The following EVC variants were observed in gnomAD, a reference collection of about 807,000 sequenced individuals.
The protein encoded by EVC is evC complex member EVC.
Under a neutral mutation model 118.9 loss-of-function variants are expected in EVC, and 116 were observed. The observed-to-expected ratio is 0.98, with a 90% confidence interval of 0.84 to 1.14. The LOEUF is 1.14. Among genes scored for constraint, EVC ranks in the 50% most tolerant of loss-of-function variants. The pLI is 0.00. For synonymous variants in EVC, 619 were observed against 534.7 expected (o/e 1.16, Z -2.18); for missense variants, 1,401 against 1,246.4 (o/e 1.12, Z -1.87).
intron 1 of EVC, among the ~76,000 whole-genome samples, chr4:5,711,996 C>G (rs1032291603): frequency 3.9e-5 from 6 of 152,166 alleles, no homozygotes; most frequent in Admixed American, 6.5e-5. Flanking sequence ...CATTGGCATT[C>G]ATTTTTTCAT....
chr4:5,754,490 GA>G lies in EVC; in HGVS notation c.1464+561del, dbSNP rs1199892381. On this transcript the variant is annotated intron_variant, in intron 10 of 20. Transcript: ENST00000264956. This position sits in a 1 kb window ranked among gnomAD's most constrained non-coding sequence, Gnocchi z 5.8. ...AAAAAGCAAGATGTCACCCTCCAAG[GA>G]AAAGGAGTCAGCTGGCCCCAGTGCA... Among the ~76,000 whole-genome samples, 13 of 152,280 alleles carry G rather than the reference GA, an allele frequency of 8.5e-5. No homozygotes were observed. The highest frequency in any genetic ancestry group is 3.4e-3 in the Middle Eastern group (1 of 294).
In EVC at chr4:5,752,580, G is replaced by T; in HGVS notation, c.1099-256G>T. On this transcript the variant is annotated intron_variant, in intron 8 of 20. Transcript: ENST00000264956. ...CTAGGAGGGTGGCCCTCTGGGGAGC[G>T]CTACTGGTGACTAAGTGCCTACATG... 7.0e-6 allele frequency: 4 copies of T among 573,280 alleles called. No individual in the cohort carries two copies. The South Asian group carries it at 8.0e-5, about 11-fold the overall frequency. The allele number at this position is 573,280 out of a possible 1,614,324, so 35.5% of individuals were successfully genotyped here. A position where few individuals can be genotyped will look rare whatever the true frequency, so the allele number is the denominator to read the frequency against.
intron 12 of EVC, among the ~76,000 whole-genome samples, chr4:5,785,227 C>T (rs1000080385): frequency 2.0e-5 from 3 of 152,236 alleles, no homozygotes; most frequent in East Asian, 1.9e-4. Context: ...CAGCCTTTCT[C>T]TGCCCTAGAG....
At position 5,783,468 on chromosome 4, in the gene EVC, T is replaced by G. The variant is rs1051211523; in HGVS notation, c.1564-84T>G. 2.3e-6 allele frequency: 3 copies of G among 1,318,878 alleles called. No individual in the cohort carries two copies. In the African/African-American group the frequency reaches 4.3e-5, roughly 19 times the overall value. The allele number at this position is 1,318,878 out of a possible 1,614,324, so 81.7% of individuals were successfully genotyped here. A position where few individuals can be genotyped will look rare whatever the true frequency, so the allele number is the denominator to read the frequency against. Reference sequence around the variant, plus strand: ...ATCTCCTTGTGTCTTGTGGGAGGCTTGTGGAGGAGAGGCAGAGAGCAGCTC... The same window carrying G: ...ATCTCCTTGTGTCTTGTGGGAGGCTGGTGGAGGAGAGGCAGAGAGCAGCTC... On this transcript the variant is annotated intron_variant, in intron 11 of 20. Transcript: ENST00000264956.
chr4:5,714,923 G>A (rs1412918046), intron 1 of EVC, among the ~76,000 whole-genome samples: 1 of 151,904 alleles, frequency 6.6e-6, no homozygotes, highest in Non-Finnish European at 1.5e-5. Context: ...TCCCGCCTCA[G>A]CCTCCCAAGT....
chr4:5,821,932 CA>C, the EVC span: 1 of 1,113,786 alleles, frequency 9.0e-7, no homozygotes, highest in Admixed American at 2.3e-5. This position sits in a 1 kb window ranked among gnomAD's most constrained non-coding sequence, Gnocchi z 4.4. Flanking sequence ...TGTACTCTGC[CA>C]TGCACTCCAC....
At chr4:5,715,800 G>A (rs1723860287) in intron 1 of EVC, among the ~76,000 whole-genome samples, 1 of 139,006 alleles carries the variant, frequency 7.2e-6, no homozygotes, top group South Asian at 2.3e-4. Flanking sequence ...CTGGAGTGCA[G>A]TAGTGCAATC....
chr4:5,722,874 ACT>A (rs1044347922), intron 2 of EVC, among the ~76,000 whole-genome samples: 43 of 152,094 alleles, frequency 2.8e-4, no homozygotes, highest in African/African-American at 9.2e-4. Context: ...AGCTGGGGAG[ACT>A]CTCAGAATTT....
chr4:5,805,251 G>A (rs1560439994), intron 17 of EVC, among the ~76,000 whole-genome samples: 1 of 152,166 alleles, frequency 6.6e-6, no homozygotes, highest in Non-Finnish European at 1.5e-5. Flanking sequence ...TGAGGAAGAG[G>A]TGGCTGCTTC....
chr4:5,822,215 A>G, the EVC span, among the ~76,000 whole-genome samples: 1 of 152,150 alleles, frequency 6.6e-6, no homozygotes, highest in African/African-American at 2.4e-5. Context: ...CAATCATACT[A>G]TGAAGGGGGT....
rs1715604950 is a variant in EVC at position 5,804,836 on chromosome 4, C to T, written c.2556C>T (p.His852=). 6.2e-7 allele frequency: 1 copy of T among 1,613,646 alleles called. No homozygotes were observed. The highest frequency in any genetic ancestry group is 8.5e-7 in the Non-Finnish European group (1 of 1,179,700). ...CTCATGAGACCTCCCAGGCGGTCCA[C>T]CAGAGGTGAGGTCCCAACTGAGGTC... is the stretch of plus-strand genomic sequence containing the variant. The part of the protein sequence containing the change: ...GGAHETSQAV[H]QRMLSQQKRF... The change falls in exon 17 of 21, where the codon CAC becomes CAT. Residue 852 remains histidine (H), a synonymous_variant. Coordinates refer to ENST00000264956, the MANE Select transcript of EVC (RefSeq NM_153717.3).
chr4:5,740,470 CAAAAAAAAA>C (rs59318619), intron 5 of EVC, among the ~76,000 whole-genome samples: 1 of 105,578 alleles, frequency 9.5e-6, no homozygotes, highest in East Asian at 2.5e-4. Flanking sequence ...TACTCCATCT[CAAAAAAAAA>C]AAAAAAAAGA....
intron 15 of EVC, among the ~76,000 whole-genome samples, chr4:5,801,444 C>G (rs1006491177): frequency 6.6e-6 from 1 of 152,086 alleles, no homozygotes; most frequent in South Asian, 2.1e-4. Flanking sequence ...TTTGGGAGGC[C>G]GAGGTGGGCA....
intron 17 of EVC, among the ~76,000 whole-genome samples, chr4:5,805,812 G>A (rs1326857143): frequency 6.6e-6 from 1 of 151,760 alleles, no homozygotes; most frequent in African/African-American, 2.4e-5. Flanking sequence ...GAGCCCATCT[G>A]TGACTCACAG....
chr4:5,752,060 G>A (rs979301675), intron 8 of EVC, among the ~76,000 whole-genome samples: 38 of 152,196 alleles, frequency 2.5e-4, no homozygotes, highest in African/African-American at 8.7e-4. Flanking sequence ...GGCAGAGATG[G>A]GAGGCTGGGG....
chr4:5,792,699 G>A (rs546586239), intron 12 of EVC, among the ~76,000 whole-genome samples: 1 of 152,266 alleles, frequency 6.6e-6, no homozygotes, highest in East Asian at 1.9e-4. Context: ...TCTACAAACT[G>A]TCACAACTAT....
rs769614620 is a variant in EVC, at chr4:5,783,714, C to T, written c.1726C>T (p.Arg576Trp). 7.4e-6 allele frequency: 12 copies of T among 1,613,956 alleles called. No homozygotes were observed. The highest frequency in any genetic ancestry group is 1.6e-4 in the Middle Eastern group (1 of 6,062). The change falls in exon 12 of 21, where the codon CGG (arginine) becomes TGG (tryptophan). Residue 576 changes from arginine (R) to tryptophan (W), a missense_variant. Transcript: ENST00000264956. ...GCAGCTGGGGAAGTCAAATCGCTTC[C>T]GGAGGCAGCAGTGGAAACTCTTCCA... ...AWQLGKSNRF[R>W]RQQWKLFQEL...
At chr4:5,723,779 C>A (rs1279017226) in intron 2 of EVC, among the ~76,000 whole-genome samples, 1 of 152,136 alleles carries the variant, frequency 6.6e-6, no homozygotes, top group Non-Finnish European at 1.5e-5. Context: ...ACTCTGCTGT[C>A]ACTATCTTGA....
At chr4:5,824,893 TAAG>T in the EVC span, 3 of 985,394 alleles carry the variant, frequency 3.0e-6, no homozygotes, top group Non-Finnish European at 3.6e-6. Flanking sequence ...CCTGAGACCT[TAAG>T]AAAGTCAGGA....
Sources: allele counts gnomAD v4.1 joint callset (sites outside exome capture counted in the v4.1 genomes callset), GRCh38; gene constraint gnomAD v4.1.1; non-coding constraint Gnocchi (gnomAD v3.1); transcripts MANE v1.5; gene names NCBI Gene and HGNC (gene_info 2026-07-23, HGNC 2026-07-21).